TBCD: variants seen among roughly 807,000 people sequenced by gnomAD.
TBCD encodes the protein tubulin folding cofactor D.
TBCD carries 105 observed loss-of-function variants against 169.3 expected under a neutral mutation model. The observed-to-expected ratio is 0.62, with a 90% confidence interval of 0.53 to 0.73. The LOEUF (loss-of-function observed/expected upper bound fraction) is 0.73. Among genes scored for constraint, TBCD ranks in the 30% least tolerant of loss-of-function variants. The probability of loss-of-function intolerance (pLI) is 0.00; values close to 1 mark genes in which losing one functional copy is unlikely to be tolerated. For synonymous variants in TBCD, 700 were observed against 643.9 expected, an observed-to-expected ratio of 1.09 and a Z score of -1.32; for missense variants, 1,444 against 1,600.1, an observed-to-expected ratio of 0.90 and a Z score of 1.66.
chr17:82,773,786 G>C (rs2048423265), intron 6 of TBCD, among the ~76,000 whole-genome samples: 1 of 151,704 alleles, frequency 6.6e-6, no homozygotes, highest in Admixed American at 6.6e-5. Flanking sequence ...GAGTGCAGTG[G>C]CACGATCTCG....
Position 82,853,892 on chromosome 17 carries a change from TCA to T in TBCD, c.1319-16331_1319-16330del, listed in dbSNP as rs1327082816. On this transcript the variant is annotated intron_variant, in intron 13 of 38. Coordinates refer to ENST00000355528, the MANE Select transcript of TBCD (RefSeq NM_005993.5). ...GTCTTATTATATGAATTTTGCTTTTTCAGATTTTTTTTTGTTTTTAAAAGTTG... is the reference window on the plus strand; with the variant it reads ...GTCTTATTATATGAATTTTGCTTTTTGATTTTTTTTTGTTTTTAAAAGTTG... Among the ~76,000 whole-genome samples, 288 of 152,370 alleles carry T rather than the reference TCA, an allele frequency of 1.9e-3. 2 individuals carry two copies. The highest frequency in any genetic ancestry group is 6.8e-3 in the African/African-American group (282 of 41,592).
At chr17:82,856,912 G>A (rs901320073) in intron 13 of TBCD, among the ~76,000 whole-genome samples, 1 of 142,892 alleles carries the variant, frequency 7.0e-6, no homozygotes. Flanking sequence ...TCGCTGGACC[G>A]CGTGCGGACC....
intron 13 of TBCD, among the ~76,000 whole-genome samples, chr17:82,853,210 G>T (rs8081269): frequency 0.018 from 2,671 of 152,136 alleles, 94 homozygotes; most frequent in African/African-American, 0.061. Context: ...CTCCTGAGTA[G>T]CTGGAACCAC....
At chr17:82,924,419 C>T (rs1220669971) in intron 26 of TBCD, among the ~76,000 whole-genome samples, 1 of 152,248 alleles carries the variant, frequency 6.6e-6, no homozygotes, top group Non-Finnish European at 1.5e-5. Flanking sequence ...TCCTGCACCC[C>T]CGTGCTGAAG....
intron 13 of TBCD, among the ~76,000 whole-genome samples, chr17:82,850,006 C>CTGTGCTGTTGTTGGCTGTGTTGT (rs1567886807): frequency 9.9e-5 from 10 of 101,260 alleles, no homozygotes; most frequent in African/African-American, 3.6e-4. Context: ...GGCTGTGCTG[C>CTGTGCTGTTGTTGGCTGTGTTGT]TGTTGGCTGT....
chr17:82,754,049 C>G (rs1406650963), intron 1 of TBCD, among the ~76,000 whole-genome samples: 1 of 151,380 alleles, frequency 6.6e-6, no homozygotes, highest in African/African-American at 2.4e-5. Context: ...CCTAATTTTT[C>G]GTATTATTAG....
chr17:82,901,425 C>T (rs1048751694), intron 18 of TBCD, among the ~76,000 whole-genome samples: 6 of 152,070 alleles, frequency 3.9e-5, no homozygotes, highest in Admixed American at 6.5e-5. Context: ...TGGAGGGGGT[C>T]CTTTCTGATC....
chr17:82,907,570 C>A (rs557117274), intron 20 of TBCD, among the ~76,000 whole-genome samples, 191 bp from the exon 21 acceptor site: 5 of 152,174 alleles, frequency 3.3e-5, no homozygotes, highest in African/African-American at 1.2e-4. Flanking sequence ...CAAAAATAAT[C>A]GGAGGTATGT....
At chr17:82,826,321 G>A (rs889035070) in intron 13 of TBCD, among the ~76,000 whole-genome samples, 4 of 151,938 alleles carry the variant, frequency 2.6e-5, no homozygotes, top group Non-Finnish European at 5.9e-5. Flanking sequence ...TATGAGTACA[G>A]AGTTGACCAA....
chr17:82,781,256 T>A (rs1230527929), intron 6 of TBCD, among the ~76,000 whole-genome samples: 2 of 87,192 alleles, frequency 2.3e-5, no homozygotes, highest in Non-Finnish European at 4.4e-5. Context: ...GGCTGAGAAG[T>A]GGGCAGGGGC....
At chr17:82,763,829 T>C in intron 2 of TBCD, 136 bp from the exon 3 acceptor site, 1 of 707,322 alleles carries the variant, frequency 1.4e-6, no homozygotes, top group South Asian at 1.6e-5. Flanking sequence ...CGCCTTGAAA[T>C]TCTGGCTTCA....
intron 23 of TBCD, among the ~76,000 whole-genome samples, chr17:82,916,348 GT>G (rs1454211777): frequency 2.0e-5 from 3 of 152,070 alleles, no homozygotes; most frequent in African/African-American, 7.2e-5. Context: ...AGGTTCAAGT[GT>G]TTCTCCCGCC....
intron 35 of TBCD, chr17:82,937,759 C>A: frequency 9.5e-7 from 1 of 1,057,656 alleles, no homozygotes; most frequent in Non-Finnish European, 1.3e-6. Flanking sequence ...ACCTTGGCTG[C>A]TCTGTGGCTC....
chr17:82,806,745 C>T lies in TBCD; in HGVS notation c.1087+734C>T, dbSNP rs1568165115. On this transcript the variant is annotated intron_variant, in intron 10 of 38. Coordinates refer to ENST00000355528, the MANE Select transcript of TBCD (RefSeq NM_005993.5). The surrounding 1 kb of genome is among the most constrained non-coding windows in gnomAD (Gnocchi z 5.1). ...AGGTTTCTCCCCAGTCATCTGCACC[C>T]CACCTCGACCGTGACCATCAGGGCG... Among the ~76,000 whole-genome samples the T allele has an allele frequency of 6.6e-6, 1 of 152,212 alleles. No homozygotes were observed. Among genetic ancestry groups the T allele is most frequent in the Non-Finnish European group, 1.5e-5 (1 of 68,038 alleles).
At chr17:82,804,776 C>CCAGGCCA (rs2050830758) in intron 9 of TBCD, among the ~76,000 whole-genome samples, 1 of 152,198 alleles carries the variant, frequency 6.6e-6, no homozygotes, top group Non-Finnish European at 1.5e-5. Context: ...ATCATTGGGC[C>CCAGGCCA]CAGGCCACAC....
At chr17:82,807,700 G>A in intron 11 of TBCD, 32 bp downstream of exon 11, 1 of 1,426,612 alleles carries the variant, frequency 7.0e-7, no homozygotes, top group East Asian at 2.8e-5. Context: ...AGCACCCCGG[G>A]GGGTGGGCCG....
chr17:82,907,636 G>T, intron 20 of TBCD, 125 bp from the exon 21 acceptor site: 1 of 1,019,890 alleles, frequency 9.8e-7, no homozygotes, highest in Non-Finnish European at 1.5e-6. Flanking sequence ...ACCTTGCTGA[G>T]CCTATGCTCC....
chr17:82,773,610 C>T (rs1475672548), intron 6 of TBCD, among the ~76,000 whole-genome samples: 1 of 152,190 alleles, frequency 6.6e-6, no homozygotes, highest in Non-Finnish European at 1.5e-5. Context: ...CAACTCTGTC[C>T]ATGGCTCAGT....
Position 82,809,715 on chromosome 17 carries a change from A to G in TBCD, c.1156A>G (p.Arg386Gly), listed in dbSNP as rs901666996. 77 of 1,612,874 alleles carry G rather than the reference A, an allele frequency of 4.8e-5. No individual in the cohort carries two copies. Among genetic ancestry groups the G allele is most frequent in the Non-Finnish European group, 5.9e-5 (69 of 1,179,324 alleles). Residue 386 changes from arginine to glycine, a missense_variant, in exon 12 of 39, where the codon AGG becomes GGG. Physicochemically the swap from Arg to Gly is moderately radical, Grantham distance 125 (BLOSUM62 -2). Coordinates refer to ENST00000355528, the MANE Select transcript of TBCD (RefSeq NM_005993.5). ...VRWSAAKGIG[R>G]MAGRLPRALA... ...GCTGCGTTTCTCTTTCAGCATCGGT[A>G]GGATGGCTGGCAGGCTTCCCAGAGC...
Sources: gnomAD v4.1 joint callset for allele counts (sites outside exome capture counted in the v4.1 genomes callset) on GRCh38, gnomAD v4.1.1 for gene constraint, Gnocchi (gnomAD v3.1) non-coding constraint, MANE v1.5 for transcripts, NCBI Gene and HGNC (gene_info 2026-07-23, HGNC 2026-07-21) for gene names.